HIVEP1: variants seen among roughly 807,000 people sequenced by gnomAD.
HIVEP1 encodes the protein HIVEP zinc finger 1.
A neutral mutation model predicts 180.0 loss-of-function variants in HIVEP1; 36 were observed. The ratio of observed to expected loss-of-function variants is 0.20; its 90% CI spans 0.15 to 0.26. HIVEP1 has a LOEUF of 0.26. Ranked by LOEUF, HIVEP1 falls within the 10% of genes least tolerant of loss-of-function variation. The pLI is 1.00. For synonymous variants in HIVEP1, 1,239 were observed against 1,239.0 expected (o/e 1.00, Z 0.00); for missense variants, 3,143 against 3,268.7 (o/e 0.96, Z 0.94).
intron 2 of HIVEP1, among the ~76,000 whole-genome samples, chr6:12,075,438 C>A (rs1460619106): frequency 6.6e-6 from 1 of 152,126 alleles, no homozygotes; most frequent in Non-Finnish European, 1.5e-5. Context: ...GGGCAGTGAC[C>A]TTTTGAATGC....
At chr6:12,086,659 C>T (rs1365432905) in intron 2 of HIVEP1, among the ~76,000 whole-genome samples, 1 of 152,024 alleles carries the variant, frequency 6.6e-6, no homozygotes, top group Non-Finnish European at 1.5e-5. Context: ...TATTGATGAA[C>T]TTAAAGCTGT....
At chr6:12,199,176 TTATA>T in the HIVEP1 span, among the ~76,000 whole-genome samples, 1 of 152,196 alleles carries the variant, frequency 6.6e-6, no homozygotes, top group Non-Finnish European at 1.5e-5. Flanking sequence ...ATTACCTTGA[TTATA>T]CCTTCCTGGT....
Position 12,041,262 on chromosome 6 carries a change from A to G in HIVEP1, c.40+25594A>G, listed in dbSNP as rs541898797. Among the ~76,000 whole-genome samples the G allele has an allele frequency of 2.0e-3, 309 of 152,012 alleles. 4 individuals are homozygous for G. Among genetic ancestry groups the G allele is most frequent in the South Asian group, 1.2e-3 (6 of 4,808 alleles). On this transcript the variant is annotated intron_variant, in intron 2 of 8. Transcript: ENST00000379388. ...TGGTGAAACCCTGTCTCTACTAAAA[A>G]TTCAAAAACACTAGCCGGGCATGGT...
intron 7 of HIVEP1, among the ~76,000 whole-genome samples, chr6:12,145,796 T>C (rs764436828): frequency 2.5e-4 from 38 of 152,288 alleles, no homozygotes; most frequent in Non-Finnish European, 5.0e-4. Context: ...ATAAATTATA[T>C]AAGGGCAAAG....
intron 7 of HIVEP1, among the ~76,000 whole-genome samples, chr6:12,150,630 A>G (rs936194588): frequency 1.3e-5 from 2 of 152,218 alleles, no homozygotes; most frequent in Non-Finnish European, 2.9e-5. Context: ...TTCCATGTGT[A>G]GAATATGAAA....
intron 6 of HIVEP1, among the ~76,000 whole-genome samples, chr6:12,135,241 G>T (rs539463018): frequency 6.6e-6 from 1 of 152,324 alleles, no homozygotes; most frequent in African/African-American, 2.4e-5. Flanking sequence ...AACTGGCCCA[G>T]AGTCAGTTGT....
downstream of HIVEP1, among the ~76,000 whole-genome samples, chr6:12,166,505 C>A (rs182953676): frequency 6.6e-6 from 1 of 152,228 alleles, no homozygotes; most frequent in African/African-American, 2.4e-5. Flanking sequence ...CTATTGGCAA[C>A]TTTCAAGCTT....
intron 2 of HIVEP1, among the ~76,000 whole-genome samples, chr6:12,069,295 T>G (rs1016741179): frequency 6.6e-6 from 1 of 152,100 alleles, no homozygotes; most frequent in African/African-American, 2.4e-5. Context: ...GTATAAAAGA[T>G]AAAAAATTCA....
At chr6:12,061,849 T>C (rs189001893) in intron 2 of HIVEP1, among the ~76,000 whole-genome samples, 1 of 152,278 alleles carries the variant, frequency 6.6e-6, no homozygotes, top group Admixed American at 6.5e-5. Flanking sequence ...AAAAAATTTC[T>C]AAGTAAAAAT....
chr6:12,192,284 T>G, the HIVEP1 span, among the ~76,000 whole-genome samples: 1 of 151,220 alleles, frequency 6.6e-6, no homozygotes, highest in Non-Finnish European at 1.5e-5. Context: ...TCACCTCTCT[T>G]AAGTACATAT....
intron 2 of HIVEP1, among the ~76,000 whole-genome samples, chr6:12,045,986 G>T (rs1770091353): frequency 1.3e-5 from 2 of 152,258 alleles, no homozygotes; most frequent in South Asian, 4.1e-4. Context: ...GAATGAATGT[G>T]AGTCTGAAAA....
intron 7 of HIVEP1, among the ~76,000 whole-genome samples, chr6:12,138,678 C>G (rs1758833148): frequency 1.3e-5 from 2 of 152,100 alleles, no homozygotes; most frequent in East Asian, 3.9e-4. Context: ...ACTTCAGATA[C>G]CATTTCTGTG....
chr6:12,040,034 G>C (rs1490072947), intron 2 of HIVEP1, among the ~76,000 whole-genome samples: 1 of 152,028 alleles, frequency 6.6e-6, no homozygotes, highest in Non-Finnish European at 1.5e-5. Flanking sequence ...GGAAATGTAA[G>C]CCCAACAACA....
At chr6:12,091,236 A>G (rs528451086) in intron 3 of HIVEP1, among the ~76,000 whole-genome samples, 7 of 152,280 alleles carry the variant, frequency 4.6e-5, no homozygotes, top group African/African-American at 1.7e-4. Context: ...CTTTAAAAAT[A>G]TAGACGTTCA....
At chr6:12,056,039 T>TA (rs1420862170) in intron 2 of HIVEP1, among the ~76,000 whole-genome samples, 1 of 152,184 alleles carries the variant, frequency 6.6e-6, no homozygotes, top group Non-Finnish European at 1.5e-5. Flanking sequence ...TATATTGGAT[T>TA]AAATGGCTCT....
intron 2 of HIVEP1, among the ~76,000 whole-genome samples, chr6:12,053,523 G>A (rs1770668194): frequency 6.6e-6 from 1 of 152,088 alleles, no homozygotes; most frequent in Non-Finnish European, 1.5e-5. Flanking sequence ...GTACCTGTGA[G>A]TCTTAAGGGG....
the HIVEP1 span, among the ~76,000 whole-genome samples, chr6:12,199,561 A>G: frequency 6.6e-6 from 1 of 152,008 alleles, no homozygotes; most frequent in African/African-American, 2.4e-5. Flanking sequence ...GGTTTTCTCC[A>G]TGTTGGCCGG....
intron 3 of HIVEP1, among the ~76,000 whole-genome samples, chr6:12,108,761 C>T (rs62386762): frequency 0.29 from 43,576 of 152,074 alleles, 6,924 homozygotes; most frequent in Middle Eastern, 0.46. Flanking sequence ...GGTTCCCGCT[C>T]GCGCCTCTCC....
chr6:12,011,270 TCCCCCC>T (rs76242358), upstream of HIVEP1, among the ~76,000 whole-genome samples: 7 of 71,632 alleles, frequency 9.8e-5, no homozygotes, highest in South Asian at 1.6e-3. Flanking sequence ...CCCCTTGGGG[TCCCCCC>T]CCCCCCCCGC....
Sources: gnomAD v4.1 joint callset for allele counts (sites outside exome capture counted in the v4.1 genomes callset) on GRCh38, gnomAD v4.1.1 for gene constraint, MANE v1.5 for transcripts, NCBI Gene and HGNC (gene_info 2026-07-23, HGNC 2026-07-21) for gene names.